The following SNTB1 variants were observed in gnomAD, a reference collection of about 807,000 sequenced individuals.
SNTB1 encodes beta-1-syntrophin.
A neutral mutation model predicts 48.9 loss-of-function variants in SNTB1; 36 were observed. The observed-to-expected ratio is 0.74, with a 90% CI of 0.56 to 0.97. SNTB1 has a LOEUF of 0.97. Ranked by LOEUF, SNTB1 falls within the 50% of genes least tolerant of loss-of-function variation. SNTB1 has a pLI of 0.00. For synonymous variants in SNTB1, 299 were observed against 294.6 expected, an observed-to-expected ratio of 1.01 and a Z score of -0.15; for missense variants, 786 against 703.4, an observed-to-expected ratio of 1.12 and a Z score of -1.33.
chr8:120,601,452 C>T lies in SNTB1; in HGVS notation c.997-26227G>A, dbSNP rs1256235418. Among the ~76,000 whole-genome samples, 4 of 152,302 alleles carry T rather than the reference C, an allele frequency of 2.6e-5. No homozygotes were observed. In the East Asian group the frequency reaches 7.7e-4, roughly 29 times the overall value. On this transcript the variant is annotated intron_variant, in intron 3 of 6. Coordinates refer to ENST00000517992, the MANE Select transcript of SNTB1 (RefSeq NM_021021.4). Reference sequence around the variant, plus strand: ...ACCCCATGGACATCCTTACCCCGTACCTGAGCCTAACCCCATCTCTAATCC... The same window carrying T: ...ACCCCATGGACATCCTTACCCCGTATCTGAGCCTAACCCCATCTCTAATCC...
intron 3 of SNTB1, among the ~76,000 whole-genome samples, chr8:120,579,781 G>A (rs1428219669): frequency 6.6e-6 from 1 of 152,118 alleles, no homozygotes; most frequent in South Asian, 2.1e-4. Context: ...CCTTTTTTGT[G>A]GGTTCTTCCA....
At chr8:120,769,633 T>C (rs1486296208) in intron 1 of SNTB1, 2 of 152,226 alleles carry the variant, frequency 1.3e-5, no homozygotes, top group African/African-American at 4.8e-5. Context: ...GGAGACACTG[T>C]ACAGAGGGAG....
At chr8:120,601,546 A>G (rs1355297758) in intron 3 of SNTB1, among the ~76,000 whole-genome samples, 1 of 152,156 alleles carries the variant, frequency 6.6e-6, no homozygotes, top group Non-Finnish European at 1.5e-5. Flanking sequence ...TCCTTTACAA[A>G]ACAAAAAATA....
chr8:120,599,784 G>T (rs888322533), intron 3 of SNTB1, among the ~76,000 whole-genome samples: 1 of 152,176 alleles, frequency 6.6e-6, no homozygotes, highest in African/African-American at 2.4e-5. Context: ...TAAATATTAA[G>T]TGCTTTTCTC....
intron 1 of SNTB1, among the ~76,000 whole-genome samples, chr8:120,720,631 G>A (rs1355552331): frequency 6.6e-6 from 1 of 152,204 alleles, no homozygotes; most frequent in Non-Finnish European, 1.5e-5. Flanking sequence ...TAAGTGCTAT[G>A]AAGAGCATTG....
intron 1 of SNTB1, among the ~76,000 whole-genome samples, chr8:120,750,099 A>C (rs950726967): frequency 6.6e-6 from 1 of 151,944 alleles, no homozygotes; most frequent in Non-Finnish European, 1.5e-5. Context: ...CAAATTATTC[A>C]ATTACTAAAG....
chr8:120,699,673 G>C (rs1197289337), intron 1 of SNTB1, among the ~76,000 whole-genome samples: 3 of 152,132 alleles, frequency 2.0e-5, no homozygotes, highest in Non-Finnish European at 4.4e-5. Flanking sequence ...GATGCAAAAT[G>C]GATTAACACA....
chr8:120,606,266 C>T (rs1354595785), intron 3 of SNTB1, among the ~76,000 whole-genome samples: 1 of 145,798 alleles, frequency 6.9e-6, no homozygotes, highest in Non-Finnish European at 1.5e-5. Flanking sequence ...TTATTTATAA[C>T]ATAATTATAT....
intron 5 of SNTB1, among the ~76,000 whole-genome samples, chr8:120,546,685 A>G (rs1183427920): frequency 1.3e-5 from 2 of 151,976 alleles, no homozygotes; most frequent in Admixed American, 1.3e-4. Context: ...GGCCGGGCTG[A>G]TCTCGAACTC....
In SNTB1 at chr8:120,722,521, T is replaced by A. The variant is rs920055721; in HGVS notation, c.572-28613A>T. ...GTGACGATGAGCATTTTTTCATGTG[T>A]CTTTCGGCTGCATAAATGTCTTCTT... On this transcript the variant is annotated intron_variant, in intron 1 of 6. Transcript: ENST00000517992. Among the ~76,000 whole-genome samples, 53 of 152,366 alleles carry A rather than the reference T, an allele frequency of 3.5e-4. 1 individual carries two copies. The highest frequency in any genetic ancestry group is 1.2e-3 in the African/African-American group (51 of 41,584).
At chr8:120,705,107 T>C (rs1170193441) in intron 1 of SNTB1, among the ~76,000 whole-genome samples, 3 of 152,238 alleles carry the variant, frequency 2.0e-5, no homozygotes, top group African/African-American at 7.2e-5. Context: ...AATGATCAGC[T>C]TGTTGAAAGG....
chr8:120,697,297 A>G (rs940121371), intron 1 of SNTB1, among the ~76,000 whole-genome samples: 2 of 152,242 alleles, frequency 1.3e-5, no homozygotes, highest in African/African-American at 4.8e-5. Flanking sequence ...AATATTCTGC[A>G]TATAGTAATC....
chr8:120,652,784 T>C (rs1009474982), intron 2 of SNTB1, among the ~76,000 whole-genome samples: 2 of 152,198 alleles, frequency 1.3e-5, no homozygotes, highest in Admixed American at 1.3e-4. Flanking sequence ...ATGTTAGTAG[T>C]TGTCACTTAT....
At chr8:120,751,216 T>A (rs1389173642) in intron 1 of SNTB1, among the ~76,000 whole-genome samples, 1 of 152,016 alleles carries the variant, frequency 6.6e-6, no homozygotes, top group Non-Finnish European at 1.5e-5. Context: ...GGGGAGTAAA[T>A]GTGAAAAGAC....
At chr8:120,798,082 T>C (rs1285277270) in intron 1 of SNTB1, among the ~76,000 whole-genome samples, 1 of 152,042 alleles carries the variant, frequency 6.6e-6, no homozygotes, top group Non-Finnish European at 1.5e-5. Flanking sequence ...CTCTTCTATA[T>C]GGCAACAAGA....
chr8:120,639,901 T>C (rs202018210), intron 2 of SNTB1, among the ~76,000 whole-genome samples: 70 of 152,232 alleles, frequency 4.6e-4, no homozygotes, highest in African/African-American at 1.4e-3. Flanking sequence ...GTAGTTTTTT[T>C]CAATTCTGTG....
intron 1 of SNTB1, among the ~76,000 whole-genome samples, chr8:120,745,558 T>A (rs1217527939): frequency 6.6e-6 from 1 of 152,140 alleles, no homozygotes; most frequent in East Asian, 1.9e-4. Context: ...GATGTTTCTT[T>A]TTCCACCTAC....
At chr8:120,740,223 G>C (rs1207768748) in intron 1 of SNTB1, among the ~76,000 whole-genome samples, 1 of 152,076 alleles carries the variant, frequency 6.6e-6, no homozygotes, top group Non-Finnish European at 1.5e-5. Flanking sequence ...CACCTTCTGA[G>C]CCATGAAGCT....
At chr8:120,784,804 G>A (rs943859448) in intron 1 of SNTB1, among the ~76,000 whole-genome samples, 13 of 152,180 alleles carry the variant, frequency 8.5e-5, no homozygotes, top group Admixed American at 4.6e-4. Context: ...AAAGAAAAAC[G>A]GAAAGAAATT....
Sources: allele counts gnomAD v4.1 joint callset (sites outside exome capture counted in the v4.1 genomes callset), GRCh38; gene constraint gnomAD v4.1.1; transcripts MANE v1.5; gene names NCBI Gene and HGNC (gene_info 2026-07-23, HGNC 2026-07-21).